The following HS3ST5 variants were observed in gnomAD, a reference collection of about 807,000 sequenced individuals.
HS3ST5 encodes the protein heparan sulfate glucosamine 3-O-sulfotransferase 5.
A neutral mutation model predicts 25.4 loss-of-function variants in HS3ST5; 10 were observed. That is an observed-to-expected ratio of 0.39 (90% CI 0.24 to 0.67). The LOEUF is 0.67. Among genes scored for constraint, HS3ST5 ranks in the 30% least tolerant of loss-of-function variants. The probability of loss-of-function intolerance (pLI) is 0.44; values close to 1 mark genes in which losing one functional copy is unlikely to be tolerated. For missense variants in HS3ST5, 324 were observed against 420.7 expected (o/e 0.77, Z 2.01); for synonymous variants, 170 against 162.4 (o/e 1.05, Z -0.36).
chr6:114,292,399 C>T (rs755830708), intron 1 of HS3ST5, among the ~76,000 whole-genome samples: 4 of 152,110 alleles, frequency 2.6e-5, no homozygotes, highest in Non-Finnish European at 4.4e-5. Context: ...AGAATCCACT[C>T]CTGCAAGCCC....
rs117411597 is a variant in HS3ST5 at position 114,302,706 on chromosome 6, G to A, written c.-339+39489C>T. 3.3e-5 allele frequency among the ~76,000 whole-genome samples: 5 copies of A among 152,208 alleles called. No homozygotes were observed. The East Asian group carries it at 5.8e-4, about 18-fold the overall frequency. ...GACTGTCTTTCTACTCTCCTTTCTC[G>A]TCTTCATTCCTATAGCATCCTTACG... On this transcript the variant is annotated intron_variant, in intron 1 of 4. Transcript: ENST00000312719.
rs556033385 is a variant in HS3ST5 at position 114,234,158 on chromosome 6, T to C, written c.-338-5380A>G. ...GAATAAAATTCCTGAGTAGGCTTAA[T>C]CTTCGGGCTCTAAAAAACAACTTGA... is the stretch of plus-strand genomic sequence containing the variant. On this transcript the variant is annotated intron_variant, in intron 1 of 4. Coordinates refer to ENST00000312719, the MANE Select transcript of HS3ST5 (RefSeq NM_153612.4). Among the ~76,000 whole-genome samples the C allele has an allele frequency of 8.4e-4, 128 of 152,274 alleles. 1 individual carries two copies. The highest frequency in any genetic ancestry group is 3.1e-3 in the African/African-American group (127 of 41,554).
intron 4 of HS3ST5, chr6:114,059,437 T>C (rs914457632): frequency 6.6e-6 from 1 of 152,196 alleles, no homozygotes; most frequent in Non-Finnish European, 1.5e-5. Flanking sequence ...CTTTCTTGTT[T>C]TCTGAGATGA....
At chr6:114,318,217 G>A (rs1166786883) in intron 1 of HS3ST5, among the ~76,000 whole-genome samples, 2 of 152,112 alleles carry the variant, frequency 1.3e-5, no homozygotes, top group Non-Finnish European at 2.9e-5. Flanking sequence ...TGACTAATTA[G>A]AAAAAGCTGT....
chr6:114,170,798 C>T (rs191589430), intron 2 of HS3ST5, among the ~76,000 whole-genome samples: 1 of 152,100 alleles, frequency 6.6e-6, no homozygotes, highest in Non-Finnish European at 1.5e-5. Flanking sequence ...GCTGCCTGCA[C>T]CTTGTATTTA....
intron 3 of HS3ST5, among the ~76,000 whole-genome samples, chr6:114,112,120 T>C (rs1451763638): frequency 6.6e-6 from 1 of 152,238 alleles, no homozygotes; most frequent in Non-Finnish European, 1.5e-5. Context: ...GGCAGAATAA[T>C]GGCTACCTAA....
intron 3 of HS3ST5, among the ~76,000 whole-genome samples, chr6:114,138,433 A>G (rs1777742827): frequency 1.3e-5 from 2 of 152,230 alleles, no homozygotes; most frequent in African/African-American, 2.4e-5. Flanking sequence ...TGCTACTTAA[A>G]TGATGGAATG....
intron 1 of HS3ST5, among the ~76,000 whole-genome samples, chr6:114,257,295 G>GA (rs573296631): frequency 3.9e-4 from 60 of 151,994 alleles, no homozygotes; most frequent in African/African-American, 1.4e-3. Context: ...GAAAAATTTT[G>GA]AAAAAAATTT....
intron 3 of HS3ST5, among the ~76,000 whole-genome samples, chr6:114,082,609 A>G (rs1774521336): frequency 6.6e-6 from 1 of 152,252 alleles, no homozygotes; most frequent in South Asian, 2.1e-4. Context: ...GACAGCTTCT[A>G]TTCAGTAATA....
At chr6:114,171,252 C>G (rs1582677740) in intron 2 of HS3ST5, among the ~76,000 whole-genome samples, 1 of 152,158 alleles carries the variant, frequency 6.6e-6, no homozygotes, top group Non-Finnish European at 1.5e-5. Flanking sequence ...GTGTAACAAT[C>G]AGTGTGATAA....
chr6:114,317,389 G>A (rs2114865910), intron 1 of HS3ST5, among the ~76,000 whole-genome samples: 1 of 152,268 alleles, frequency 6.6e-6, no homozygotes, highest in Middle Eastern at 3.4e-3. Flanking sequence ...GTAAACGGAT[G>A]CATGTAGTTC....
At chr6:114,241,132 G>GTT (rs34220294) in intron 1 of HS3ST5, among the ~76,000 whole-genome samples, 4,591 of 117,710 alleles carry the variant, frequency 0.039, 136 homozygotes, top group Middle Eastern at 0.11. Flanking sequence ...AGAAAAATCA[G>GTT]TTTTTTTTTT....
At chr6:114,137,826 G>A (rs911727301) in intron 3 of HS3ST5, among the ~76,000 whole-genome samples, 5 of 152,024 alleles carry the variant, frequency 3.3e-5, no homozygotes, top group Admixed American at 6.5e-5. Flanking sequence ...GGCATCCAAC[G>A]CTGTGCCTTG....
At chr6:114,216,547 C>T (rs1781771769) in intron 2 of HS3ST5, among the ~76,000 whole-genome samples, 2 of 152,082 alleles carry the variant, frequency 1.3e-5, no homozygotes, top group Admixed American at 1.3e-4. Context: ...CACATATCCT[C>T]TCATTGCATA....
At position 114,125,312 on chromosome 6, in the gene HS3ST5, T is replaced by C. The variant is rs538298128; in HGVS notation, c.-33+43039A>G. On this transcript the variant is annotated intron_variant, in intron 3 of 4. Coordinates refer to ENST00000312719, the MANE Select transcript of HS3ST5 (RefSeq NM_153612.4). Reference sequence around the variant, plus strand: ...TCAGTAGAAATTTCCTTACCAAGGCTTAAAATTCAAAAGGTACATAGTAAA... The same window carrying C: ...TCAGTAGAAATTTCCTTACCAAGGCCTAAAATTCAAAAGGTACATAGTAAA... Among the ~76,000 whole-genome samples, 5 of 152,328 alleles carry C rather than the reference T, an allele frequency of 3.3e-5. No individual in the cohort carries two copies. The East Asian group carries it at 9.6e-4, about 29-fold the overall frequency.
intron 1 of HS3ST5, among the ~76,000 whole-genome samples, chr6:114,281,265 C>T (rs1339182688): frequency 6.6e-6 from 1 of 151,924 alleles, no homozygotes; most frequent in Non-Finnish European, 1.5e-5. Context: ...ATTAAAATAA[C>T]TGATTTTAAA....
At chr6:114,107,894 A>G (rs1582608516) in intron 3 of HS3ST5, among the ~76,000 whole-genome samples, 1 of 152,330 alleles carries the variant, frequency 6.6e-6, no homozygotes, top group East Asian at 1.9e-4. Flanking sequence ...AGAAAACACA[A>G]TATTGCCAAG....
chr6:114,290,659 C>G (rs1774536390), intron 1 of HS3ST5, among the ~76,000 whole-genome samples: 1 of 152,098 alleles, frequency 6.6e-6, no homozygotes, highest in Non-Finnish European at 1.5e-5. Flanking sequence ...GATGGTATAT[C>G]AGAGTTGATG....
chr6:114,306,867 T>C (rs2114828962), intron 1 of HS3ST5, among the ~76,000 whole-genome samples: 1 of 152,338 alleles, frequency 6.6e-6, no homozygotes, highest in East Asian at 1.9e-4. Flanking sequence ...ATTTATTTCC[T>C]TCTTAAGAAA....
Sources: gnomAD v4.1 joint callset for allele counts (sites outside exome capture counted in the v4.1 genomes callset) on GRCh38, gnomAD v4.1.1 for gene constraint, MANE v1.5 for transcripts, NCBI Gene and HGNC (gene_info 2026-07-23, HGNC 2026-07-21) for gene names.